PLXNC1: variants seen among roughly 807,000 people sequenced by gnomAD.
PLXNC1 encodes plexin-C1.
PLXNC1 carries 75 observed loss-of-function variants against 178.2 expected under a neutral mutation model. The ratio of observed to expected loss-of-function variants is 0.42; its 90% confidence interval spans 0.35 to 0.51. PLXNC1 has a LOEUF of 0.51. PLXNC1 is among the 20% of genes least tolerant of loss of function. The pLI is 0.02. For missense variants in PLXNC1, 1,503 were observed against 1,984.4 expected (o/e 0.76, Z 4.61); for synonymous variants, 790 against 779.9 (o/e 1.01, Z -0.22).
chr12:94,281,204 G>A (rs553765561), intron 22 of PLXNC1, among the ~76,000 whole-genome samples: 127 of 152,254 alleles, frequency 8.3e-4, no homozygotes, highest in African/African-American at 2.9e-3. Flanking sequence ...GCTTGAACCC[G>A]GGAGGCAGAG....
chr12:94,224,344 C>G, intron 7 of PLXNC1, 29 bp downstream of exon 7: 1 of 1,134,398 alleles, frequency 8.8e-7, no homozygotes, highest in Non-Finnish European at 1.3e-6. Flanking sequence ...TTTGAATATT[C>G]TCTCGTTGAT....
At position 94,222,994 on chromosome 12, in the gene PLXNC1, G is replaced by A. The variant is rs555795156; in HGVS notation, c.1703-1234G>A. Among the ~76,000 whole-genome samples, 3 of 152,330 alleles carry A rather than the reference G, an allele frequency of 2.0e-5. No individual in the cohort carries two copies. In the East Asian group the frequency reaches 5.8e-4, roughly 29 times the overall value. The stretch of plus-strand genomic sequence containing the variant: ...TTTCAGAGGGAGTGTTATTGCTGTG[G>A]AGAAGGACCTTAAAGTAAGGGTTTT... On this transcript the variant is annotated intron_variant, in intron 6 of 30. Transcript: ENST00000258526.
chr12:94,205,253 A>G (rs1963264258), intron 4 of PLXNC1, among the ~76,000 whole-genome samples: 1 of 152,218 alleles, frequency 6.6e-6, no homozygotes, highest in African/African-American at 2.4e-5. Context: ...AGCCATGCCC[A>G]TTAAAAAAAT....
At chr12:94,188,564 T>C (rs1293854963) in intron 4 of PLXNC1, among the ~76,000 whole-genome samples, 4 of 152,128 alleles carry the variant, frequency 2.6e-5, no homozygotes, top group African/African-American at 9.7e-5. Context: ...CCTCAGGTGA[T>C]CCGCCTGCCT....
rs1485329732 is a variant in PLXNC1, at chr12:94,275,670, G to A, written c.3598-3802G>A. Among the ~76,000 whole-genome samples the A allele has an allele frequency of 5.1e-5, 5 of 97,506 alleles. 2 individuals are homozygous for A. In the East Asian group the frequency reaches 1.1e-3, roughly 22 times the overall value. The allele number at this position is 97,506 out of a possible 152,430, so 64.0% of individuals were successfully genotyped here. On this transcript the variant is annotated intron_variant, in intron 21 of 30. Transcript: ENST00000258526. ...AGATCGAGACCATCCCGGCTAAAAC[G>A]GTGAAACCCCGTCTCTACTAAAAAA...
At chr12:94,175,710 AG>A (rs1962026053) in intron 2 of PLXNC1, among the ~76,000 whole-genome samples, 1 of 152,278 alleles carries the variant, frequency 6.6e-6, no homozygotes, top group South Asian at 2.1e-4. Flanking sequence ...GAATGCTAAT[AG>A]CGTCGTTTTT....
intron 8 of PLXNC1, 66 bp from the exon 9 acceptor site, chr12:94,227,078 CTCTTT>C (rs1264520025): frequency 1.0e-6 from 1 of 1,003,154 alleles, no homozygotes; most frequent in Admixed American, 1.8e-5. Context: ...GTCCTACCTT[CTCTTT>C]TATGTTTGTT....
intron 4 of PLXNC1, among the ~76,000 whole-genome samples, chr12:94,208,062 C>T (rs1963354429): frequency 6.6e-6 from 1 of 152,200 alleles, no homozygotes; most frequent in South Asian, 2.1e-4. Context: ...TTCAATCCAG[C>T]AGTGCTTGTC....
chr12:94,289,953 T>G (rs1054603182), intron 23 of PLXNC1, among the ~76,000 whole-genome samples: 11 of 152,238 alleles, frequency 7.2e-5, no homozygotes, highest in African/African-American at 2.4e-4. Context: ...GTCTATGCTA[T>G]CTTAATGCCT....
Position 94,149,463 on chromosome 12 carries a change from C to T in PLXNC1, c.492C>T (p.Gly164=). 6.8e-7 allele frequency: 1 copy of T among 1,475,728 alleles called. No homozygotes were observed. Among genetic ancestry groups the T allele is most frequent in the Non-Finnish European group, 8.9e-7 (1 of 1,121,850 alleles). 91.4% of individuals were successfully genotyped at this position (1,475,728 alleles called of 1,614,324 possible). A position where few individuals can be genotyped will look rare whatever the true frequency, so the allele number is the denominator to read the frequency against. ...VSCHPQGSTA[G]VVYRAGRNNR... is the part of the protein sequence containing the mutation. Reference sequence around the variant, plus strand: ...GCCACCCGCAGGGCTCGACGGCCGGCGTGGTGTACCGCGCGGGCCGGAACA... The same window carrying T: ...GCCACCCGCAGGGCTCGACGGCCGGTGTGGTGTACCGCGCGGGCCGGAACA... The change falls in exon 1 of 31, where the codon GGC becomes GGT. Residue 164 remains glycine (G), a synonymous_variant. Transcript: ENST00000258526.
At chr12:94,292,968 T>C (rs1000068777) in intron 23 of PLXNC1, among the ~76,000 whole-genome samples, 2 of 152,212 alleles carry the variant, frequency 1.3e-5, no homozygotes, top group African/African-American at 2.4e-5. Flanking sequence ...TGTCAAAAAA[T>C]AGAAGCCCTC....
rs550433953 is a variant in PLXNC1, at chr12:94,220,992, G to T, written c.1702+829G>T. Among the ~76,000 whole-genome samples, 18 of 152,314 alleles carry T rather than the reference G, an allele frequency of 1.2e-4. 1 individual carries two copies. The South Asian group carries it at 1.7e-3, about 14-fold the overall frequency. On this transcript the variant is annotated intron_variant, in intron 6 of 30. Coordinates refer to ENST00000258526, the MANE Select transcript of PLXNC1 (RefSeq NM_005761.3). Reference sequence around the variant, plus strand: ...GACGGAGGGAAGATAGATACCAAAGGAGGCAGCCAGGGGACCATGAAGGGC... The same window carrying T: ...GACGGAGGGAAGATAGATACCAAAGTAGGCAGCCAGGGGACCATGAAGGGC...
At chr12:94,151,010 G>C (rs1960942846) in intron 1 of PLXNC1, 1 of 152,186 alleles carries the variant, frequency 6.6e-6, no homozygotes, top group Admixed American at 6.6e-5. Context: ...CACTTCTCCG[G>C]AGGCCGTTTC....
chr12:94,270,901 G>A (rs1245343980), intron 21 of PLXNC1, among the ~76,000 whole-genome samples: 1 of 152,116 alleles, frequency 6.6e-6, no homozygotes, highest in East Asian at 1.9e-4. Flanking sequence ...GGGGAGCAGA[G>A]TGAAGAGGGG....
At chr12:94,194,475 G>T (rs1324781043) in intron 4 of PLXNC1, among the ~76,000 whole-genome samples, 1 of 152,150 alleles carries the variant, frequency 6.6e-6, no homozygotes, top group Non-Finnish European at 1.5e-5. Context: ...AAAGTGCTGG[G>T]ATTACAGGCA....
At chr12:94,252,833 G>T (rs1040609165) in intron 15 of PLXNC1, among the ~76,000 whole-genome samples, 2 of 152,138 alleles carry the variant, frequency 1.3e-5, no homozygotes, top group Admixed American at 1.3e-4. Flanking sequence ...TAGCCATTTC[G>T]TTTGTGACTC....
intron 21 of PLXNC1, among the ~76,000 whole-genome samples, chr12:94,266,905 T>C (rs1965275771): frequency 6.6e-6 from 1 of 152,060 alleles, no homozygotes; most frequent in South Asian, 2.1e-4. Flanking sequence ...TGCCCGGGCT[T>C]TCCCTCGGGA....
intron 26 of PLXNC1, among the ~76,000 whole-genome samples, chr12:94,298,249 G>A (rs1968123710): frequency 6.6e-6 from 1 of 152,144 alleles, no homozygotes. Flanking sequence ...AAAAATTCTG[G>A]GAACAGAGCA....
intron 1 of PLXNC1, 37 bp downstream of exon 1, chr12:94,150,070 C>CT (rs2135911822): frequency 6.7e-7 from 1 of 1,487,248 alleles, no homozygotes; most frequent in African/African-American, 1.4e-5. Flanking sequence ...GAGAGCGCTG[C>CT]TGCCGGGGAG....
Sources: gnomAD v4.1 joint callset for allele counts (sites outside exome capture counted in the v4.1 genomes callset) on GRCh38, gnomAD v4.1.1 for gene constraint, MANE v1.5 for transcripts, NCBI Gene and HGNC (gene_info 2026-07-23, HGNC 2026-07-21) for gene names.